PPP2R2B: variants seen among roughly 807,000 people sequenced by gnomAD.
The protein encoded by PPP2R2B is serine/threonine-protein phosphatase 2A 55 kDa regulatory subunit B beta isoform.
PPP2R2B carries 5 observed loss-of-function variants against 46.0 expected under a neutral mutation model. The observed-to-expected ratio is 0.11, with a 90% confidence interval of 0.06 to 0.23. The LOEUF (loss-of-function observed/expected upper bound fraction) is 0.23, where lower values mean the gene tolerates loss of function less well. Among genes scored for constraint, PPP2R2B ranks in the 10% least tolerant of loss-of-function variants. The pLI, the probability that PPP2R2B is intolerant of heterozygous loss-of-function variation, is 1.00. For missense variants in PPP2R2B, 367 were observed against 575.0 expected, an observed-to-expected ratio of 0.64 and a Z score of 3.70; for synonymous variants, 215 against 206.7, an observed-to-expected ratio of 1.04 and a Z score of -0.34.
chr5:146,793,357 A>G (rs935729556), intron 2 of PPP2R2B, among the ~76,000 whole-genome samples: 1 of 152,220 alleles, frequency 6.6e-6, no homozygotes, highest in Non-Finnish European at 1.5e-5. Flanking sequence ...AAAATATGGA[A>G]TTCAGGACTG....
intron 5 of PPP2R2B, among the ~76,000 whole-genome samples, chr5:146,683,420 C>T (rs906201141): frequency 1.1e-4 from 16 of 152,152 alleles, no homozygotes; most frequent in African/African-American, 3.9e-4. Flanking sequence ...ACTTACTAGC[C>T]GTCTAACCTA....
intron 2 of PPP2R2B, among the ~76,000 whole-genome samples, chr5:146,749,221 G>A (rs1014181497): frequency 1.3e-5 from 2 of 152,050 alleles, no homozygotes; most frequent in African/African-American, 4.8e-5. Flanking sequence ...AAATATCTCA[G>A]GTCTTTTGCC....
At chr5:146,971,185 G>T (rs924636189) in intron 1 of PPP2R2B, among the ~76,000 whole-genome samples, 1 of 152,118 alleles carries the variant, frequency 6.6e-6, no homozygotes, top group African/African-American at 2.4e-5. Context: ...AATGTGGTAG[G>T]ACATATGTTC....
intron 1 of PPP2R2B, among the ~76,000 whole-genome samples, chr5:147,005,487 C>A (rs1754394046): frequency 6.6e-6 from 1 of 152,188 alleles, no homozygotes; most frequent in African/African-American, 2.4e-5. Flanking sequence ...GAGTTCCTAA[C>A]CTCTGGGGGA....
chr5:147,028,680 G>T (rs1180841158), intron 1 of PPP2R2B, among the ~76,000 whole-genome samples: 1 of 152,118 alleles, frequency 6.6e-6, no homozygotes, highest in Non-Finnish European at 1.5e-5. Flanking sequence ...ATATGTATGT[G>T]TTTCTCTTGG....
Position 146,878,707 on chromosome 5 carries a change from A to T in PPP2R2B, c.-241T>A. On this transcript the variant is annotated 5_prime_UTR_variant, in exon 1 of 10. Transcript: ENST00000394411. This position sits in a 1 kb window ranked among gnomAD's most constrained non-coding sequence, Gnocchi z 4.5. Reference sequence around the variant, plus strand: ...CCGGCGCCAGCGCACTCACCCTCACACCCACACGCGCGCACTCGCAGCTGC... The same window carrying T: ...CCGGCGCCAGCGCACTCACCCTCACTCCCACACGCGCGCACTCGCAGCTGC... The T allele has an allele frequency of 8.1e-7, 1 of 1,227,630 alleles. No homozygotes were observed. The allele number at this position is 1,227,630 out of a possible 1,614,324, so 76.0% of individuals were successfully genotyped here.
At chr5:146,819,344 C>G (rs959436817) in intron 2 of PPP2R2B, among the ~76,000 whole-genome samples, 3 of 152,068 alleles carry the variant, frequency 2.0e-5, no homozygotes, top group African/African-American at 7.2e-5. Context: ...ACTACAAAAC[C>G]TAAGGATGAG....
chr5:147,073,428 C>T (rs1757663354), intron 2 of PPP2R2B, among the ~76,000 whole-genome samples: 1 of 152,156 alleles, frequency 6.6e-6, no homozygotes, highest in African/African-American at 2.4e-5. Flanking sequence ...TGTTCATAAT[C>T]ACTCCAATTT....
intron 5 of PPP2R2B, among the ~76,000 whole-genome samples, chr5:146,688,594 C>G (rs1303244220): frequency 3.3e-5 from 5 of 152,066 alleles, no homozygotes; most frequent in Non-Finnish European, 7.4e-5. Flanking sequence ...AATTTTCCAA[C>G]TCCCAGCCAC....
chr5:146,590,530 A>G (rs1354948278), intron 9 of PPP2R2B, among the ~76,000 whole-genome samples: 3 of 152,032 alleles, frequency 2.0e-5, no homozygotes, highest in South Asian at 2.1e-4. Context: ...TGGCTCAGAA[A>G]AGGTGTCCAC....
At chr5:146,765,824 C>G (rs920238968) in intron 2 of PPP2R2B, among the ~76,000 whole-genome samples, 1 of 152,152 alleles carries the variant, frequency 6.6e-6, no homozygotes, top group Non-Finnish European at 1.5e-5. Flanking sequence ...TTTTCTCAAA[C>G]AGCCATCAGA....
At chr5:146,672,885 T>A (rs891390194) in intron 5 of PPP2R2B, among the ~76,000 whole-genome samples, 1 of 152,108 alleles carries the variant, frequency 6.6e-6, no homozygotes, top group African/African-American at 2.4e-5. Flanking sequence ...GCATGTACAT[T>A]TTTTTGTCTT....
chr5:146,824,587 G>A (rs73793292), intron 2 of PPP2R2B, among the ~76,000 whole-genome samples: 4,009 of 152,214 alleles, frequency 0.026, 51 homozygotes, highest in Middle Eastern at 0.044. Flanking sequence ...GTATGCACTA[G>A]AAAAAGTAGA....
At chr5:146,794,317 C>T (rs1756387938) in intron 2 of PPP2R2B, among the ~76,000 whole-genome samples, 1 of 152,178 alleles carries the variant, frequency 6.6e-6, no homozygotes, top group Non-Finnish European at 1.5e-5. Context: ...TAACCTTGAA[C>T]TTTGCAGAGC....
intron 1 of PPP2R2B, among the ~76,000 whole-genome samples, chr5:146,926,604 C>G (rs1338498478): frequency 6.6e-6 from 1 of 152,236 alleles, no homozygotes; most frequent in East Asian, 1.9e-4. Context: ...TAGTGGTCAG[C>G]TAATGATTGA....
chr5:146,690,612 C>T (rs919816399), intron 5 of PPP2R2B, among the ~76,000 whole-genome samples: 2 of 152,150 alleles, frequency 1.3e-5, no homozygotes, highest in African/African-American at 4.8e-5. Flanking sequence ...CTCATAAGTC[C>T]ACGAGCAGTA....
chr5:146,757,855 G>A (rs911058411), intron 2 of PPP2R2B, among the ~76,000 whole-genome samples: 3 of 152,114 alleles, frequency 2.0e-5, no homozygotes, highest in African/African-American at 7.2e-5. Context: ...TGAAGGCCAA[G>A]AAAACCTACA....
intron 2 of PPP2R2B, among the ~76,000 whole-genome samples, chr5:146,844,232 T>G (rs1316241181): frequency 6.2e-5 from 9 of 145,762 alleles, no homozygotes; most frequent in African/African-American, 2.3e-4. Context: ...CGGGATAGCA[T>G]TGGGAGATAT....
At chr5:147,045,019 G>C (rs553425178) in intron 1 of PPP2R2B, among the ~76,000 whole-genome samples, 14 of 152,242 alleles carry the variant, frequency 9.2e-5, no homozygotes, top group South Asian at 6.2e-4. Context: ...TGCTTATTGA[G>C]AATAAAAAAT....
Sources: allele counts gnomAD v4.1 joint callset (sites outside exome capture counted in the v4.1 genomes callset), GRCh38; gene constraint gnomAD v4.1.1; non-coding constraint Gnocchi (gnomAD v3.1); transcripts MANE v1.5; gene names NCBI Gene and HGNC (gene_info 2026-07-23, HGNC 2026-07-21).